Variants in IFT56 observed in about 807,000 individuals in gnomAD.
IFT56 encodes intraflagellar transport protein 56.
At chr7:139,173,201 GA>G in the IFT56 span, 15 of 505,666 alleles carry the variant, frequency 3.0e-5, no homozygotes, top group East Asian at 1.3e-4. Flanking sequence ...TCCTTAATTG[GA>G]AAAAAAACTT....
At chr7:139,172,275 A>G in the IFT56 span, among the ~76,000 whole-genome samples, 70 of 152,312 alleles carry the variant, frequency 4.6e-4, no homozygotes, top group Non-Finnish European at 9.8e-4. Context: ...TTTTCCTGCC[A>G]TCACAGATGG....
chr7:139,144,107 T>A, the IFT56 span, among the ~76,000 whole-genome samples: 2 of 152,156 alleles, frequency 1.3e-5, no homozygotes, highest in Non-Finnish European at 2.9e-5. Flanking sequence ...TGCTCTTCAT[T>A]TCTTCTTGCA....
the IFT56 span, among the ~76,000 whole-genome samples, chr7:139,154,465 A>G: frequency 6.7e-6 from 1 of 150,186 alleles, no homozygotes; most frequent in African/African-American, 2.5e-5. Context: ...TAAGAGTTTT[A>G]TAATCTTAGC....
At chr7:139,185,123 C>T in the IFT56 span, among the ~76,000 whole-genome samples, 8 of 151,516 alleles carry the variant, frequency 5.3e-5, no homozygotes, top group East Asian at 1.6e-3. Context: ...ATCACTTGAG[C>T]CCAGAAGTTC....
At chr7:139,173,135 A>G in the IFT56 span, 6 of 675,730 alleles carry the variant, frequency 8.9e-6, no homozygotes, top group African/African-American at 1.8e-5. Flanking sequence ...GATGGATTCA[A>G]CAAAGGCAGG....
chr7:139,184,920 G>A, the IFT56 span, among the ~76,000 whole-genome samples: 1 of 151,788 alleles, frequency 6.6e-6, no homozygotes, highest in Non-Finnish European at 1.5e-5. Flanking sequence ...CAGGCGTGGT[G>A]GCGGGCGCCT....
chr7:139,137,622 T>A, the IFT56 span, among the ~76,000 whole-genome samples: 2 of 152,274 alleles, frequency 1.3e-5, no homozygotes, highest in Non-Finnish European at 2.9e-5. Flanking sequence ...TGGAGTATAA[T>A]ATCAGTAAAT....
chr7:139,133,998 G>A, the IFT56 span: 144,490 of 1,029,164 alleles, frequency 0.14, 22,619 homozygotes, highest in African/African-American at 0.57. Context: ...TTCCCACGGG[G>A]GACAGGGATG....
the IFT56 span, chr7:139,160,887 A>C: frequency 8.2e-7 from 1 of 1,221,086 alleles, no homozygotes; most frequent in South Asian, 1.3e-5. Context: ...CATTGTGTCA[A>C]TATGTGGTAT....
chr7:139,174,114 T>C, the IFT56 span: 11 of 595,442 alleles, frequency 1.8e-5, no homozygotes, highest in South Asian at 1.5e-4. Context: ...TTCTTGCCAA[T>C]TGATGCTGTA....
chr7:139,159,135 T>C, the IFT56 span, among the ~76,000 whole-genome samples: 1 of 152,212 alleles, frequency 6.6e-6, no homozygotes, highest in Non-Finnish European at 1.5e-5. Context: ...TTGAAGCAGG[T>C]ACCATATGTT....
At chr7:139,150,834 A>G in the IFT56 span, among the ~76,000 whole-genome samples, 1 of 152,234 alleles carries the variant, frequency 6.6e-6, no homozygotes, top group African/African-American at 2.4e-5. Flanking sequence ...GGCTTACACA[A>G]CTAACATAAC....
At chr7:139,140,578 G>C in the IFT56 span, among the ~76,000 whole-genome samples, 2 of 151,870 alleles carry the variant, frequency 1.3e-5, no homozygotes, top group South Asian at 2.1e-4. Context: ...TCAGGAGTTC[G>C]AGACCTGCCT....
the IFT56 span, among the ~76,000 whole-genome samples, chr7:139,148,849 C>G: frequency 1.3e-5 from 2 of 151,738 alleles, no homozygotes; most frequent in African/African-American, 4.8e-5. Context: ...TTCAGTGAGC[C>G]GAGATTGAGC....
the IFT56 span, among the ~76,000 whole-genome samples, chr7:139,169,602 A>G: frequency 1.3e-5 from 2 of 152,270 alleles, no homozygotes; most frequent in South Asian, 4.1e-4. Flanking sequence ...AGTTTTAGAT[A>G]TAAAATGTTA....
the IFT56 span, chr7:139,165,077 A>G: frequency 2.8e-6 from 4 of 1,407,986 alleles, no homozygotes; most frequent in African/African-American, 4.3e-5. Flanking sequence ...AAACATTGTC[A>G]CCAATAAATA....
chr7:139,188,535 T>C, the IFT56 span, among the ~76,000 whole-genome samples: 1 of 152,252 alleles, frequency 6.6e-6, no homozygotes, highest in Non-Finnish European at 1.5e-5. Flanking sequence ...TATCAAAAAT[T>C]ACTTCCTACC....
chr7:139,182,539 C>A, the IFT56 span, among the ~76,000 whole-genome samples: 1 of 152,140 alleles, frequency 6.6e-6, no homozygotes, highest in East Asian at 1.9e-4. Flanking sequence ...AGGAAATTAA[C>A]AGGCTGTGCT....
chr7:139,148,495 G>T, the IFT56 span: 1 of 912,618 alleles, frequency 1.1e-6, no homozygotes, highest in Non-Finnish European at 1.7e-6. Context: ...CTTTATCATT[G>T]CCACTGTGAT....
Sources: gnomAD v4.1 joint callset for allele counts (sites outside exome capture counted in the v4.1 genomes callset) on GRCh38, gnomAD v4.1.1 for gene constraint, MANE v1.5 for transcripts, NCBI Gene and HGNC (gene_info 2026-07-23, HGNC 2026-07-21) for gene names.